Variants in PGBD5 observed in about 807,000 individuals in gnomAD.
PGBD5 encodes piggyBac transposable element derived 5, also known as piggyBac transposable element-derived protein 5.
Under a neutral mutation model 47.9 loss-of-function variants are expected in PGBD5, and 14 were observed. The observed-to-expected ratio is 0.29, with a 90% CI of 0.19 to 0.46. The LOEUF is 0.46. Ranked by LOEUF, PGBD5 falls within the 20% of genes least tolerant of loss-of-function variation. The pLI is 1.00. For synonymous variants in PGBD5, 316 were observed against 306.3 expected (o/e 1.03, Z -0.33); for missense variants, 635 against 716.0 (o/e 0.89, Z 1.29).
chr1:230,325,766 A>AG (rs1283770259), intron 5 of PGBD5, among the ~76,000 whole-genome samples: 1 of 152,108 alleles, frequency 6.6e-6, no homozygotes, highest in Non-Finnish European at 1.5e-5. Flanking sequence ...AAGCGGAGAC[A>AG]GGGCTCACTC....
At chr1:230,356,580 C>T (rs535165441) in intron 2 of PGBD5, among the ~76,000 whole-genome samples, 1 of 152,218 alleles carries the variant, frequency 6.6e-6, no homozygotes, top group East Asian at 1.9e-4. Context: ...TTAATATTCG[C>T]CTGAGCAAAA....
At chr1:230,422,022 T>C (rs1037080210) in intron 1 of PGBD5, among the ~76,000 whole-genome samples, 1 of 152,162 alleles carries the variant, frequency 6.6e-6, no homozygotes, top group African/African-American at 2.4e-5. Context: ...TATGTTTCTC[T>C]CCAGCTGCTC....
intron 1 of PGBD5, among the ~76,000 whole-genome samples, chr1:230,393,698 G>A (rs828476): frequency 0.82 from 124,065 of 151,750 alleles, 52,380 homozygotes; most frequent in Non-Finnish European, 0.9. Flanking sequence ...AGTGGCGGGC[G>A]CCTGTAGTCC....
At chr1:230,363,961 C>T (rs887198232) in intron 1 of PGBD5, among the ~76,000 whole-genome samples, 26 of 152,212 alleles carry the variant, frequency 1.7e-4, no homozygotes, top group Non-Finnish European at 1.6e-4. Context: ...AAGTAATCAC[C>T]ATTTCTCTCG....
intron 3 of PGBD5, among the ~76,000 whole-genome samples, chr1:230,342,430 TGAA>T (rs1175324891): frequency 6.6e-6 from 1 of 152,194 alleles, no homozygotes; most frequent in Non-Finnish European, 1.5e-5. Flanking sequence ...CAAGGAGCTA[TGAA>T]GGTGAAAGTA....
intron 1 of PGBD5, among the ~76,000 whole-genome samples, chr1:230,385,863 C>T (rs1368014074): frequency 6.6e-6 from 1 of 152,152 alleles, no homozygotes; most frequent in Non-Finnish European, 1.5e-5. Flanking sequence ...TTCCCTCAAG[C>T]AGCAGCATCA....
chr1:230,414,191 G>C (rs549496324), intron 1 of PGBD5, among the ~76,000 whole-genome samples: 1 of 152,232 alleles, frequency 6.6e-6, no homozygotes, highest in South Asian at 2.1e-4. Flanking sequence ...CTGGTGCCTG[G>C]AGTCACCCCT....
At chr1:230,335,783 A>ATGCAGATG (rs373644616) in intron 4 of PGBD5, among the ~76,000 whole-genome samples, 2 of 686 alleles carry the variant, frequency 2.9e-3, no homozygotes, top group African/African-American at 0.011. Flanking sequence ...AGACACACAC[A>ATGCAGATG]CACACACAGG....
chr1:230,371,965 G>A (rs1385684415), intron 1 of PGBD5, among the ~76,000 whole-genome samples: 1 of 152,190 alleles, frequency 6.6e-6, no homozygotes, highest in Non-Finnish European at 1.5e-5. Context: ...GTTGGGAATG[G>A]AAGAGGAGGG....
chr1:230,380,423 C>G (rs949545675), intron 1 of PGBD5, among the ~76,000 whole-genome samples: 2 of 152,224 alleles, frequency 1.3e-5, no homozygotes, highest in South Asian at 4.1e-4. Context: ...AAGTGGGGCC[C>G]TGCAGGGTTC....
intron 1 of PGBD5, among the ~76,000 whole-genome samples, chr1:230,386,067 C>G (rs905018222): frequency 2.2e-4 from 34 of 152,154 alleles, no homozygotes; most frequent in Non-Finnish European, 4.4e-5. Flanking sequence ...TGGCTCATAC[C>G]TACAGTCCCA....
Position 230,316,188 on chromosome 1 carries a change from G to GCA in PGBD5, c.*7235_*7236dup, listed in dbSNP as rs1666947557. ...TGTATACATACATACGTACACATGT[G>GCA]CATGTGTATACATACATATGTACAC... is the stretch of plus-strand genomic sequence containing the variant. On this transcript the variant is annotated 3_prime_UTR_variant, in exon 7 of 7. Transcript: ENST00000391860. The GCA allele has an allele frequency of 1.3e-4, 5 of 39,464 alleles. 2 individuals carry two copies. The Middle Eastern group carries it at 0.017, about 134-fold the overall frequency. 2.4% of individuals were successfully genotyped at this position (39,464 alleles called of 1,614,324 possible).
intron 1 of PGBD5, among the ~76,000 whole-genome samples, chr1:230,403,483 T>C (rs1482937349): frequency 6.6e-6 from 1 of 152,140 alleles, no homozygotes; most frequent in Non-Finnish European, 1.5e-5. Flanking sequence ...GTAGGGCTTC[T>C]TCCCTCTCAA....
chr1:230,381,837 GCTGGGATCA>G (rs760063220), intron 1 of PGBD5, among the ~76,000 whole-genome samples: 1 of 151,956 alleles, frequency 6.6e-6, no homozygotes, highest in Non-Finnish European at 1.5e-5. Context: ...ACCCCAGCAT[GCTGGGATCA>G]CTGCATGCTG....
At chr1:230,368,166 G>T in intron 1 of PGBD5, 2 of 1,365,254 alleles carry the variant, frequency 1.5e-6, no homozygotes, top group Non-Finnish European at 2.0e-6. Context: ...GAATAAGGTG[G>T]AGGAGAGAGA....
intron 3 of PGBD5, among the ~76,000 whole-genome samples, chr1:230,346,213 A>G (rs745664786): frequency 2.0e-5 from 3 of 151,862 alleles, no homozygotes; most frequent in Non-Finnish European, 4.4e-5. Context: ...CAGCTATTTC[A>G]TATTTTTTGT....
Position 230,316,696 on chromosome 1 carries a change from C to T in PGBD5, c.*6729G>A, listed in dbSNP as rs972855953. ...AGAATTGGGCTGGGAACAAGGAACC[C>T]TCACATGGATCGTCAGGCTGGAGGA... On this transcript the variant is annotated 3_prime_UTR_variant, in exon 7 of 7. Coordinates refer to ENST00000391860, the MANE Select transcript of PGBD5 (RefSeq NM_001258311.2). 2 of 152,078 alleles carry T rather than the reference C, an allele frequency of 1.3e-5. No homozygotes were observed. The highest frequency in any genetic ancestry group is 1.3e-4 in the Admixed American group (2 of 15,268). The allele number at this position is 152,078 out of a possible 1,614,324, so 9.4% of individuals were successfully genotyped here.
chr1:230,335,936 G>C (rs955757151), intron 4 of PGBD5, among the ~76,000 whole-genome samples: 6 of 151,744 alleles, frequency 4.0e-5, no homozygotes, highest in East Asian at 1.9e-4. Context: ...GACACACACA[G>C]ACACACAAAG....
chr1:230,425,963 G>C lies in PGBD5; in HGVS notation c.-35C>G. ...CGCCGCCCGCGCGCCCGCCCCCACA[G>C]TGCCTCCCAGCCGCACACGCCGGGC... On this transcript the variant is annotated 5_prime_UTR_variant, in exon 1 of 7. Coordinates refer to ENST00000391860, the MANE Select transcript of PGBD5 (RefSeq NM_001258311.2). The surrounding 1 kb of genome is among the most constrained non-coding windows in gnomAD (Gnocchi z 4.7). 1.1e-6 allele frequency: 1 copy of C among 907,518 alleles called. No homozygotes were observed. The highest frequency in any genetic ancestry group is 1.3e-6 in the Non-Finnish European group (1 of 769,296). 56.2% of individuals were successfully genotyped at this position (907,518 alleles called of 1,614,324 possible). A position where few individuals can be genotyped will look rare whatever the true frequency, so the allele number is the denominator to read the frequency against.
Sources: allele counts gnomAD v4.1 joint callset (sites outside exome capture counted in the v4.1 genomes callset), GRCh38; gene constraint gnomAD v4.1.1; non-coding constraint Gnocchi (gnomAD v3.1); transcripts MANE v1.5; gene names NCBI Gene and HGNC (gene_info 2026-07-23, HGNC 2026-07-21).